The following GK variants were observed in gnomAD, a reference collection of about 807,000 sequenced individuals.
GK encodes glycerol kinase.
GK carries 9 observed loss-of-function variants against 56.4 expected under a neutral mutation model. The observed-to-expected ratio is 0.16, with a 90% CI of 0.10 to 0.28. The LOEUF is 0.28. Among genes scored for constraint, GK ranks in the 10% least tolerant of loss-of-function variants. The pLI, the probability that GK is intolerant of heterozygous loss-of-function variation, is 1.00. For synonymous variants in GK, 104 were observed against 144.1 expected, an observed-to-expected ratio of 0.72 and a Z score of 1.99; for missense variants, 161 against 431.4, an observed-to-expected ratio of 0.37 and a Z score of 5.55.
At chrX:30,712,932 C>T (rs1244915919) in intron 13 of GK, among the ~76,000 whole-genome samples, 1 of 109,794 alleles carries the variant, frequency 9.1e-6, no homozygotes, top group African/African-American at 3.3e-5. Context: ...AACGAAGTTT[C>T]ACCGTGTTAG....
chrX:30,707,983 C>CT, intron 12 of GK, 71 bp from the exon 13 acceptor site: 8 of 632,815 alleles, frequency 1.3e-5, no homozygotes, highest in Non-Finnish European at 1.8e-5. Flanking sequence ...GTTATTTTAA[C>CT]TTTAAAAAAA....
At chrX:30,719,576 T>A in intron 15 of GK, 61 bp downstream of exon 15, 1 of 639,660 alleles carries the variant, frequency 1.6e-6, no homozygotes, top group South Asian at 2.4e-5. Flanking sequence ...AAGTCGTTAA[T>A]AACTTATTAG....
At position 30,683,402 on chromosome X, in the gene GK, A is replaced by G. The variant is rs550595697; in HGVS notation, c.337+5950A>G. 7.2e-5 allele frequency among the ~76,000 whole-genome samples: 8 copies of G among 110,768 alleles called. No individual in the cohort carries two copies. In the South Asian group the frequency reaches 2.6e-3, roughly 37 times the overall value. ...AACAAGCATATGAGAGGAGCACATT[A>G]TGTTTCCCTTTTTAAAAACTTCTAT... On this transcript the variant is annotated intron_variant, in intron 4 of 20. Coordinates refer to ENST00000427190, the MANE Select transcript of GK (RefSeq NM_001205019.2).
chrX:30,705,895 G>C (rs1208716831), intron 11 of GK, among the ~76,000 whole-genome samples: 1 of 111,839 alleles, frequency 8.9e-6, no homozygotes, highest in Non-Finnish European at 1.9e-5. Flanking sequence ...CATCAGTTTT[G>C]CACTAAGACG....
At chrX:30,690,076 A>C (rs1400245456) in intron 4 of GK, among the ~76,000 whole-genome samples, 3 of 112,023 alleles carry the variant, frequency 2.7e-5, no homozygotes, top group African/African-American at 9.7e-5. Context: ...ATTGATTAAA[A>C]TTTACTACAG....
At chrX:30,668,958 G>A (rs1168580956) in intron 3 of GK, among the ~76,000 whole-genome samples, 8 of 110,684 alleles carry the variant, frequency 7.2e-5, no homozygotes, top group African/African-American at 2.6e-4. Flanking sequence ...GTAACAGAGA[G>A]AGTAGTGGGG....
intron 2 of GK, among the ~76,000 whole-genome samples, chrX:30,666,930 G>A (rs1186508532): frequency 9.0e-6 from 1 of 111,109 alleles, no homozygotes; most frequent in Admixed American, 9.6e-5. Context: ...CGAGGCAGGC[G>A]GATCATGAGG....
At position 30,724,192 on chromosome X, in the gene GK, T is replaced by A. The variant is rs1366281213; in HGVS notation, c.1582+11T>A. ...AATCTCCAGAAAGTGGTAAAAATGT[T>A]TTTGTTTATTATTGTCACATTTTCT... On this transcript the variant is annotated intron_variant, in intron 19 of 20. Transcript: ENST00000427190. The A allele has an allele frequency of 9.5e-7, 1 of 1,053,425 alleles. No individual in the cohort carries two copies. Among genetic ancestry groups the A allele is most frequent in the African/African-American group, 1.8e-5 (1 of 55,018 alleles). 86.8% of individuals were successfully genotyped at this position (1,053,425 alleles called of 1,213,427 possible).
chrX:30,720,431 G>T (rs1220771644), intron 16 of GK, among the ~76,000 whole-genome samples, 190 bp from the exon 17 acceptor site: 2 of 111,476 alleles, frequency 1.8e-5, no homozygotes, highest in Non-Finnish European at 3.8e-5. Flanking sequence ...CAAGGTGAAT[G>T]CAGAGGTGTA....
In GK at chrX:30,719,979, T is replaced by C. The variant is rs192428564; in HGVS notation, c.1152-32T>C. 263 of 943,124 alleles carry C rather than the reference T, an allele frequency of 2.8e-4. No homozygotes were observed. The Admixed American group carries it at 5.7e-3, about 20-fold the overall frequency. The allele number at this position is 943,124 out of a possible 1,213,427, so 77.7% of individuals were successfully genotyped here. The stretch of plus-strand genomic sequence containing the variant: ...TTTCAAATTGATTGGTTTATATCAT[T>C]CTAATCTGAAAATCTTTGTGCGTAT... On this transcript the variant is annotated intron_variant, in intron 15 of 20. Transcript: ENST00000427190.
chrX:30,654,525 C>T (rs1932098904), intron 1 of GK, among the ~76,000 whole-genome samples: 1 of 111,076 alleles, frequency 9.0e-6, no homozygotes, highest in Non-Finnish European at 1.9e-5. Context: ...GGTGGATTAC[C>T]TAAGGTCAGG....
At chrX:30,695,653 C>T (rs944243869) in intron 6 of GK, among the ~76,000 whole-genome samples, 6 of 112,761 alleles carry the variant, frequency 5.3e-5, no homozygotes, top group African/African-American at 1.9e-4. Flanking sequence ...GAGATAACAA[C>T]AACACACAAT....
At position 30,707,614 on chromosome X, in the gene GK, T is replaced by TA. The variant is rs1308903137; in HGVS notation, c.894+22dup. 3.3e-6 allele frequency: 3 copies of TA among 913,593 alleles called. No individual in the cohort carries two copies. Among genetic ancestry groups the TA allele is most frequent in the East Asian group, 3.1e-5 (1 of 32,332 alleles). 75.3% of individuals were successfully genotyped at this position (913,593 alleles called of 1,213,427 possible). A position where few individuals can be genotyped will look rare whatever the true frequency, so the allele number is the denominator to read the frequency against. On this transcript the variant is annotated intron_variant, in intron 12 of 20. Transcript: ENST00000427190. Reference sequence around the variant, plus strand: ...AGGCCATAAGGTTGGTTTTTTAAATTAAAAAATTGATTTAAAAGTCTAAGT... The same window carrying TA: ...AGGCCATAAGGTTGGTTTTTTAAATTAAAAAAATTGATTTAAAAGTCTAAGT...
At chrX:30,707,988 A>G in intron 12 of GK, 66 bp from the exon 13 acceptor site, 1 of 673,757 alleles carries the variant, frequency 1.5e-6, no homozygotes, top group Non-Finnish European at 2.4e-6. Context: ...TTTAACTTTA[A>G]AAAAAAGTTC....
rs1937318811 is a variant in GK at position 30,730,901 on chromosome X, A to G, written c.*2159A>G. ...CAAAGAAGTAATTTCTGTAATGATG[A>G]ACACTTTAATCATTCTATTAGAAGA... On this transcript the variant is annotated 3_prime_UTR_variant, in exon 21 of 21. Coordinates refer to ENST00000427190, the MANE Select transcript of GK (RefSeq NM_001205019.2). 1 of 112,202 alleles carries G rather than the reference A, an allele frequency of 8.9e-6. No homozygotes were observed. Among genetic ancestry groups the G allele is most frequent in the African/African-American group, 3.2e-5 (1 of 30,866 alleles). The allele number at this position is 112,202 out of a possible 1,213,427, so 9.2% of individuals were successfully genotyped here. A position where few individuals can be genotyped will look rare whatever the true frequency, so the allele number is the denominator to read the frequency against.
At chrX:30,658,099 T>C (rs1041064987) in intron 1 of GK, among the ~76,000 whole-genome samples, 5 of 111,667 alleles carry the variant, frequency 4.5e-5, no homozygotes, top group African/African-American at 1.6e-4. Flanking sequence ...GTGCTTGTTT[T>C]GGCAGGAAGC....
chrX:30,653,766 TG>T, intron 1 of GK, 151 bp downstream of exon 1: 1 of 540,906 alleles, frequency 1.8e-6, no homozygotes, highest in Non-Finnish European at 3.2e-6. Flanking sequence ...CCTGCCACAC[TG>T]GGGATGCCCC....
In GK at chrX:30,681,475, G is replaced by A. The variant is rs142504858; in HGVS notation, c.337+4023G>A. ...GAATCTAAGAGAAATATGGGAAAAG[G>A]TGAAGAAGTTTAATATATTTGTAAT... On this transcript the variant is annotated intron_variant, in intron 4 of 20. Coordinates refer to ENST00000427190, the MANE Select transcript of GK (RefSeq NM_001205019.2). Among the ~76,000 whole-genome samples the A allele has an allele frequency of 2.7e-3, 301 of 112,020 alleles. 2 individuals are homozygous for A. The highest frequency in any genetic ancestry group is 9.2e-3 in the African/African-American group (284 of 30,889).
chrX:30,699,295 A>G (rs1353708407), intron 9 of GK, among the ~76,000 whole-genome samples: 1 of 91,932 alleles, frequency 1.1e-5, no homozygotes, highest in African/African-American at 3.9e-5. Flanking sequence ...CATGTTATAC[A>G]TAACATGTAT....
Sources: gnomAD v4.1 joint callset for allele counts (sites outside exome capture counted in the v4.1 genomes callset) on GRCh38, gnomAD v4.1.1 for gene constraint, MANE v1.5 for transcripts, NCBI Gene and HGNC (gene_info 2026-07-23, HGNC 2026-07-21) for gene names.